The following ATRNL1 variants were observed in gnomAD, a reference collection of about 807,000 sequenced individuals.
The protein encoded by ATRNL1 is attractin like 1.
In ATRNL1, 95 loss-of-function variants were observed where a neutral mutation model predicts 182.7. The observed-to-expected ratio is 0.52, with a 90% CI of 0.44 to 0.62. The LOEUF (loss-of-function observed/expected upper bound fraction) is 0.62, where lower values mean the gene tolerates loss of function less well. ATRNL1 is among the 20% of genes least tolerant of loss of function. ATRNL1 has a pLI of 0.00. For missense variants in ATRNL1, 1,471 were observed against 1,679.5 expected (o/e 0.88, Z 2.17); for synonymous variants, 576 against 568.3 (o/e 1.01, Z -0.19).
chr10:115,696,227 T>A (rs1349971467), intron 26 of ATRNL1, among the ~76,000 whole-genome samples: 2 of 152,188 alleles, frequency 1.3e-5, no homozygotes, highest in Non-Finnish European at 2.9e-5. Context: ...AGTCTAGCAT[T>A]GATGCTCATT....
At chr10:115,941,031 ATTGT>A (rs1270980394) in intron 28 of ATRNL1, among the ~76,000 whole-genome samples, 1 of 152,176 alleles carries the variant, frequency 6.6e-6, no homozygotes, top group Non-Finnish European at 1.5e-5. Flanking sequence ...CAAATGAAAC[ATTGT>A]TTGGCCCATC....
chr10:115,731,542 G>A (rs1264063043), intron 27 of ATRNL1, among the ~76,000 whole-genome samples: 7 of 151,368 alleles, frequency 4.6e-5, no homozygotes, highest in African/African-American at 1.7e-4. Context: ...TTTAGGAAAG[G>A]CCTTTATATT....
chr10:115,106,326 A>G (rs1844009000), intron 1 of ATRNL1, among the ~76,000 whole-genome samples: 1 of 152,186 alleles, frequency 6.6e-6, no homozygotes, highest in Non-Finnish European at 1.5e-5. Context: ...TCTAGGAAGT[A>G]ACTAGCTTGC....
intron 19 of ATRNL1, among the ~76,000 whole-genome samples, chr10:115,361,304 T>A (rs1856735531): frequency 6.6e-6 from 1 of 151,880 alleles, no homozygotes; most frequent in Non-Finnish European, 1.5e-5. Context: ...TGTCTACCTG[T>A]CTATGTATGT....
rs1376185771 is a variant in ATRNL1, at chr10:115,727,168, T to TA, written c.3796-76dup. On this transcript the variant is annotated intron_variant, in intron 26 of 28. Transcript: ENST00000355044. Reference sequence around the variant, plus strand: ...TTCCTAACTTTTCAATGCCATTTGTTAAAAGAGGGAACCAGATATTGTTGA... The same window carrying TA: ...TTCCTAACTTTTCAATGCCATTTGTTAAAAAGAGGGAACCAGATATTGTTGA... 7.3e-6 allele frequency: 7 copies of TA among 964,720 alleles called. No homozygotes were observed. In the East Asian group the frequency reaches 1.7e-4, roughly 24 times the overall value. 59.8% of individuals were successfully genotyped at this position (964,720 alleles called of 1,614,324 possible). A position where few individuals can be genotyped will look rare whatever the true frequency, so the allele number is the denominator to read the frequency against.
chr10:115,328,430 G>C (rs931345404), intron 18 of ATRNL1, among the ~76,000 whole-genome samples: 4 of 152,094 alleles, frequency 2.6e-5, no homozygotes, highest in Non-Finnish European at 5.9e-5. Flanking sequence ...TGTTTGTTGT[G>C]AGAACATTCA....
intron 9 of ATRNL1, among the ~76,000 whole-genome samples, chr10:115,241,158 G>T (rs1554902757): frequency 6.6e-6 from 1 of 151,844 alleles, no homozygotes; most frequent in African/African-American, 2.4e-5. Context: ...TTATTATGGA[G>T]TCCATATGAG....
chr10:115,853,175 C>T (rs149197399), intron 28 of ATRNL1, among the ~76,000 whole-genome samples: 51 of 152,254 alleles, frequency 3.3e-4, no homozygotes, highest in African/African-American at 1.2e-3. Context: ...GAGCAAATAA[C>T]TTGCTTCTGA....
At chr10:115,813,505 C>T (rs529687698) in intron 27 of ATRNL1, among the ~76,000 whole-genome samples, 37 of 152,278 alleles carry the variant, frequency 2.4e-4, no homozygotes, top group African/African-American at 8.4e-4. Context: ...GATTATATCA[C>T]TGAAAGAATA....
intron 19 of ATRNL1, among the ~76,000 whole-genome samples, chr10:115,381,075 C>T (rs117967512): frequency 1.3e-5 from 2 of 152,050 alleles, no homozygotes; most frequent in Non-Finnish European, 2.9e-5. Context: ...TTTGTTATAG[C>T]CCTCCCAGTA....
At chr10:115,822,165 G>T (rs782346480) in intron 27 of ATRNL1, among the ~76,000 whole-genome samples, 7 of 152,174 alleles carry the variant, frequency 4.6e-5, no homozygotes, top group Non-Finnish European at 7.3e-5. Context: ...TGAGCAACCT[G>T]CTCTGGAATG....
At chr10:115,794,725 T>C (rs1949610255) in intron 27 of ATRNL1, among the ~76,000 whole-genome samples, 1 of 152,204 alleles carries the variant, frequency 6.6e-6, no homozygotes, top group Admixed American at 6.5e-5. Context: ...ATCTTGTGCA[T>C]TGCTGATGAT....
intron 21 of ATRNL1, among the ~76,000 whole-genome samples, chr10:115,435,605 AT>A (rs1319196923): frequency 1.3e-5 from 2 of 152,172 alleles, no homozygotes; most frequent in Non-Finnish European, 2.9e-5. Context: ...TATGTCTTTA[AT>A]GACTTAATTT....
At chr10:115,763,185 T>C (rs1488762212) in intron 27 of ATRNL1, among the ~76,000 whole-genome samples, 1 of 152,308 alleles carries the variant, frequency 6.6e-6, no homozygotes, top group East Asian at 1.9e-4. Flanking sequence ...TATTTATTTA[T>C]TCATTCATTT....
chr10:115,210,113 A>C lies in ATRNL1; in HGVS notation c.1349-5584A>C, dbSNP rs12246637. On this transcript the variant is annotated intron_variant, in intron 8 of 28. Transcript: ENST00000355044. ...ATAATGAATTATGCCGATTACTGGT[A>C]GCTGATCACTAGTAGTGAACATTAT... Among the ~76,000 whole-genome samples the C allele has an allele frequency of 7.7e-3, 1,174 of 152,144 alleles. 18 individuals are homozygous for C. The highest frequency in any genetic ancestry group is 0.027 in the African/African-American group (1,131 of 41,560).
At chr10:115,438,688 T>G (rs1434108605) in intron 21 of ATRNL1, among the ~76,000 whole-genome samples, 1 of 152,012 alleles carries the variant, frequency 6.6e-6, no homozygotes, top group African/African-American at 2.4e-5. Context: ...AGACCAGTAT[T>G]GACTAAATAA....
chr10:115,209,140 A>G (rs12244489), intron 8 of ATRNL1, among the ~76,000 whole-genome samples: 5,368 of 151,954 alleles, frequency 0.035, 307 homozygotes, highest in African/African-American at 0.12. Context: ...CAGAAAAAAT[A>G]TATGAAAAAT....
chr10:115,234,647 G>T (rs1770587273), intron 9 of ATRNL1, among the ~76,000 whole-genome samples: 1 of 148,080 alleles, frequency 6.8e-6, no homozygotes, highest in Non-Finnish European at 1.5e-5. Context: ...CTTGAGAGCA[G>T]TGGTACGATC....
rs147911660 is a variant in ATRNL1 at position 115,528,706 on chromosome 10, T to A, written c.3716+9382T>A. The stretch of plus-strand genomic sequence containing the variant: ...TAGTTTGTTCTTTTTCTAGTTCAAG[T>A]TGTAAAGTTAAGTTGCGTATTTGAG... On this transcript the variant is annotated intron_variant, in intron 25 of 28. Transcript: ENST00000355044. 6.2e-3 allele frequency among the ~76,000 whole-genome samples: 944 copies of A among 152,210 alleles called. 12 individuals carry two copies. The highest frequency in any genetic ancestry group is 0.01 in the Middle Eastern group (3 of 294).
Sources: allele counts gnomAD v4.1 joint callset (sites outside exome capture counted in the v4.1 genomes callset), GRCh38; gene constraint gnomAD v4.1.1; transcripts MANE v1.5; gene names NCBI Gene and HGNC (gene_info 2026-07-23, HGNC 2026-07-21).